Variants in MCF2L2 observed in about 807,000 individuals in gnomAD.
The protein encoded by MCF2L2 is MCF.2 cell line derived transforming sequence-like 2.
Under a neutral mutation model 150.2 loss-of-function variants are expected in MCF2L2, and 102 were observed. That is an observed-to-expected ratio of 0.68 (90% confidence interval 0.58 to 0.80). The LOEUF (loss-of-function observed/expected upper bound fraction) is 0.80, where lower values mean the gene tolerates loss of function less well. Ranked by LOEUF, MCF2L2 falls within the 30% of genes least tolerant of loss-of-function variation. The pLI, the probability that MCF2L2 is intolerant of heterozygous loss-of-function variation, is 0.00. For missense variants in MCF2L2, 1,256 were observed against 1,372.8 expected (o/e 0.91, Z 1.34); for synonymous variants, 465 against 491.3 (o/e 0.95, Z 0.71).
At chr3:183,386,339 G>A (rs187544988) in intron 2 of MCF2L2, among the ~76,000 whole-genome samples, 4 of 152,298 alleles carry the variant, frequency 2.6e-5, no homozygotes, top group Admixed American at 6.5e-5. Context: ...GTCTTCCAAC[G>A]TCAGAGCTAC....
chr3:183,277,414 T>A (rs1727223649), intron 14 of MCF2L2, among the ~76,000 whole-genome samples: 1 of 151,280 alleles, frequency 6.6e-6, no homozygotes, highest in Admixed American at 6.6e-5. Context: ...CCACCCCTAT[T>A]GATTCATAAG....
chr3:183,203,042 C>A (rs747046191), intron 25 of MCF2L2, among the ~76,000 whole-genome samples: 60 of 152,016 alleles, frequency 3.9e-4, no homozygotes, highest in Non-Finnish European at 4.3e-4. Flanking sequence ...AACCCCATCT[C>A]TACTAAAAGA....
intron 15 of MCF2L2, among the ~76,000 whole-genome samples, chr3:183,261,281 T>G (rs1257738879): frequency 6.6e-6 from 1 of 152,180 alleles, no homozygotes; most frequent in Non-Finnish European, 1.5e-5. Context: ...GTTTGGCTTC[T>G]GAAGATTGGT....
chr3:183,389,582 G>T, intron 2 of MCF2L2, 114 bp downstream of exon 2: 2 of 867,570 alleles, frequency 2.3e-6, no homozygotes, highest in Non-Finnish European at 1.9e-6. Context: ...CCCGGGTGAA[G>T]CCTAAGGGGT....
chr3:183,207,077 CATAAATATAT>C (rs1182179194), intron 23 of MCF2L2, among the ~76,000 whole-genome samples: 103 of 152,146 alleles, frequency 6.8e-4, no homozygotes, highest in African/African-American at 2.4e-3. Context: ...ATCACAACAG[CATAAATATAT>C]ATGGGTGTGG....
At chr3:183,331,425 G>A (rs944824691) in intron 5 of MCF2L2, among the ~76,000 whole-genome samples, 5 of 152,084 alleles carry the variant, frequency 3.3e-5, no homozygotes, top group Admixed American at 1.3e-4. Context: ...TTTACCATAC[G>A]TGCATATTCT....
chr3:183,282,453 T>C (rs1168781131), intron 14 of MCF2L2, among the ~76,000 whole-genome samples: 4 of 152,224 alleles, frequency 2.6e-5, no homozygotes, highest in Non-Finnish European at 5.9e-5. Flanking sequence ...TGGCAATAGT[T>C]TGTTTACAGG....
intron 15 of MCF2L2, chr3:183,265,608 G>A (rs1726030972): frequency 6.6e-6 from 1 of 152,268 alleles, no homozygotes; most frequent in Admixed American, 6.5e-5. Context: ...CGCAGGCCGG[G>A]GGAGGGCAGT....
At chr3:183,281,339 G>T (rs1460450272) in intron 14 of MCF2L2, among the ~76,000 whole-genome samples, 2 of 151,380 alleles carry the variant, frequency 1.3e-5, no homozygotes, top group South Asian at 4.2e-4. Flanking sequence ...CAGAACTGAC[G>T]GGCAAAAGAG....
chr3:183,333,087 C>T (rs1481622547), intron 5 of MCF2L2, among the ~76,000 whole-genome samples: 2 of 152,046 alleles, frequency 1.3e-5, no homozygotes, highest in Non-Finnish European at 2.9e-5. Context: ...TGCTCTGTCG[C>T]CCAGGTTGGA....
chr3:183,212,391 G>T (rs1171745397), intron 22 of MCF2L2, among the ~76,000 whole-genome samples: 1 of 152,204 alleles, frequency 6.6e-6, no homozygotes, highest in Non-Finnish European at 1.5e-5. Flanking sequence ...TGATGGTTGT[G>T]AACTCAGAGA....
At chr3:183,266,983 C>T (rs976707410) in intron 15 of MCF2L2, among the ~76,000 whole-genome samples, 2 of 152,080 alleles carry the variant, frequency 1.3e-5, no homozygotes, top group South Asian at 4.1e-4. Context: ...GATGGGGTTT[C>T]ACCATGTTGC....
intron 26 of MCF2L2, among the ~76,000 whole-genome samples, chr3:183,193,502 C>T (rs1006890809): frequency 7.2e-5 from 11 of 152,074 alleles, no homozygotes; most frequent in Non-Finnish European, 5.9e-5. Context: ...ATGCGTGTGC[C>T]ACCACACCCA....
chr3:183,294,382 G>A (rs1468163372), intron 13 of MCF2L2, among the ~76,000 whole-genome samples: 1 of 151,774 alleles, frequency 6.6e-6, no homozygotes, highest in African/African-American at 2.4e-5. Flanking sequence ...ACAGAGTTTT[G>A]CTCTTGTCGC....
intron 22 of MCF2L2, among the ~76,000 whole-genome samples, chr3:183,211,846 G>T (rs767957597): frequency 2.6e-5 from 4 of 152,094 alleles, no homozygotes; most frequent in Non-Finnish European, 2.9e-5. Context: ...TATCCAAGGA[G>T]TTCATTCAGC....
intron 5 of MCF2L2, among the ~76,000 whole-genome samples, chr3:183,337,139 T>C (rs1054413612): frequency 6.6e-6 from 1 of 152,202 alleles, no homozygotes. Context: ...ATTTACATTA[T>C]ATAAATGTGA....
Position 183,269,242 on chromosome 3 carries a change from T to TTTTTTTTTTTTTTTTTTTTTTTTG in MCF2L2, c.1862+7629_1862+7630insCAAAAAAAAAAAAAAAAAAAAAAA, listed in dbSNP as rs1726484259. The stretch of plus-strand genomic sequence containing the variant: ...GCCGTTTGGGAAGCTTTTTTTTTTT[T>TTTTTTTTTTTTTTTTTTTTTTTTG]TTTTTTAAGAGTAGGAGTAGAAAAA... On this transcript the variant is annotated intron_variant, in intron 15 of 29. Transcript: ENST00000328913. 1.3e-5 allele frequency among the ~76,000 whole-genome samples: 2 copies of TTTTTTTTTTTTTTTTTTTTTTTTG among 148,264 alleles called. 1 individual carries two copies. Among genetic ancestry groups the TTTTTTTTTTTTTTTTTTTTTTTTG allele is most frequent in the East Asian group, 4.0e-4 (2 of 4,982 alleles).
intron 5 of MCF2L2, among the ~76,000 whole-genome samples, chr3:183,329,007 T>C (rs1485574437): frequency 6.6e-6 from 1 of 152,132 alleles, no homozygotes; most frequent in Non-Finnish European, 1.5e-5. Context: ...AAATGACTAA[T>C]TAAAAAAATA....
intron 2 of MCF2L2, among the ~76,000 whole-genome samples, chr3:183,386,352 G>C (rs369818266): frequency 7.3e-4 from 111 of 152,318 alleles, no homozygotes; most frequent in African/African-American, 2.5e-3. Flanking sequence ...AGAGCTACCA[G>C]AGGCCCCAGC....
Sources: allele counts gnomAD v4.1 joint callset (sites outside exome capture counted in the v4.1 genomes callset), GRCh38; gene constraint gnomAD v4.1.1; transcripts MANE v1.5; gene names NCBI Gene and HGNC (gene_info 2026-07-23, HGNC 2026-07-21).